Variants in SUGT1 observed in about 807,000 individuals in gnomAD.
SUGT1 encodes SGT1 assembly cochaperone of MIS12 kinetochore complex.
Under a neutral mutation model 56.1 loss-of-function variants are expected in SUGT1, and 15 were observed. The observed-to-expected ratio is 0.27, with a 90% CI of 0.18 to 0.41. SUGT1 has a LOEUF of 0.41. Among genes scored for constraint, SUGT1 ranks in the 10% least tolerant of loss-of-function variants. The pLI is 1.00. For synonymous variants in SUGT1, 123 were observed against 128.6 expected, an observed-to-expected ratio of 0.96 and a Z score of 0.30; for missense variants, 347 against 382.2, an observed-to-expected ratio of 0.91 and a Z score of 0.77.
rs1363955565 is a variant in SUGT1 at position 52,695,305 on chromosome 13, T to TA, written c.*7476dup. On this transcript the variant is annotated 3_prime_UTR_variant, in exon 13 of 13. Coordinates refer to ENST00000310528, the MANE Select transcript of SUGT1 (RefSeq NM_006704.5). The stretch of plus-strand genomic sequence containing the variant: ...TTTGCTATTTCAAAACAATTGACTT[T>TA]AAAAAATTATACTTCACCACAGAGA... The TA allele has an allele frequency of 6.6e-6, 1 of 152,220 alleles. No individual in the cohort carries two copies. Among genetic ancestry groups the TA allele is most frequent in the Non-Finnish European group, 1.5e-5 (1 of 68,032 alleles). The allele number at this position is 152,220 out of a possible 1,614,324, so 9.4% of individuals were successfully genotyped here.
chr13:52,653,654 GTT>G, intron 2 of SUGT1, among the ~76,000 whole-genome samples: 1 of 152,192 alleles, frequency 6.6e-6, no homozygotes, highest in South Asian at 2.1e-4. Context: ...TAAAGTCTTG[GTT>G]ATATACTCAG....
In SUGT1 at chr13:52,694,853, T is replaced by G. The variant is rs1335002836; in HGVS notation, c.*7018T>G. 6.6e-6 allele frequency: 1 copy of G among 151,940 alleles called. No homozygotes were observed. The highest frequency in any genetic ancestry group is 1.5e-5 in the Non-Finnish European group (1 of 68,032). The allele number at this position is 151,940 out of a possible 1,614,324, so 9.4% of individuals were successfully genotyped here. A position where few individuals can be genotyped will look rare whatever the true frequency, so the allele number is the denominator to read the frequency against. ...ACAGGCGTCCGCCACCATGCCCGGCTAATTTTTTGTATTTTTAGTAGAGAC... is the reference window on the plus strand; with the variant it reads ...ACAGGCGTCCGCCACCATGCCCGGCGAATTTTTTGTATTTTTAGTAGAGAC... On this transcript the variant is annotated 3_prime_UTR_variant, in exon 13 of 13. Transcript: ENST00000310528.
At chr13:52,662,108 A>T (rs1594234050) in intron 5 of SUGT1, among the ~76,000 whole-genome samples, 1 of 152,206 alleles carries the variant, frequency 6.6e-6, no homozygotes, top group South Asian at 2.1e-4. Context: ...TAACTTGGAG[A>T]TAGGACAAAA....
At chr13:52,656,491 T>C (rs1404368472) in intron 2 of SUGT1, among the ~76,000 whole-genome samples, 1 of 152,176 alleles carries the variant, frequency 6.6e-6, no homozygotes, top group African/African-American at 2.4e-5. Flanking sequence ...TAAAAAAAAG[T>C]AAATTGGACC....
chr13:52,681,993 A>G (rs1963396437), intron 12 of SUGT1, among the ~76,000 whole-genome samples: 1 of 118,338 alleles, frequency 8.5e-6, no homozygotes, highest in Non-Finnish European at 1.6e-5. Context: ...TGTAGTTTAC[A>G]CATATTTTCT....
At chr13:52,655,528 T>C (rs1363048295) in intron 2 of SUGT1, among the ~76,000 whole-genome samples, 1 of 152,074 alleles carries the variant, frequency 6.6e-6, no homozygotes, top group East Asian at 1.9e-4. Flanking sequence ...GCAGACCGGG[T>C]CAAAGATGAA....
Position 52,688,073 on chromosome 13 carries a change from C to T in SUGT1, c.*238C>T. On this transcript the variant is annotated 3_prime_UTR_variant, in exon 13 of 13. Transcript: ENST00000310528. ...CATGGTGAAACTGAATAAAGCATGTCATTTGCTCCTAGATAGATTCATTCT... is the reference window on the plus strand; with the variant it reads ...CATGGTGAAACTGAATAAAGCATGTTATTTGCTCCTAGATAGATTCATTCT... 1 of 277,560 alleles carries T rather than the reference C, an allele frequency of 3.6e-6. No homozygotes were observed. The highest frequency in any genetic ancestry group is 6.7e-6 in the Non-Finnish European group (1 of 148,824). The allele number at this position is 277,560 out of a possible 1,614,324, so 17.2% of individuals were successfully genotyped here.
At position 52,692,493 on chromosome 13, in the gene SUGT1, C is replaced by G. The variant is rs1013248746; in HGVS notation, c.*4658C>G. 3 of 151,758 alleles carry G rather than the reference C, an allele frequency of 2.0e-5. No individual in the cohort carries two copies. The highest frequency in any genetic ancestry group is 7.3e-5 in the African/African-American group (3 of 41,168). The allele number at this position is 151,758 out of a possible 1,614,324, so 9.4% of individuals were successfully genotyped here. A position where few individuals can be genotyped will look rare whatever the true frequency, so the allele number is the denominator to read the frequency against. ...TGGTGCAATCTTGGCTCACTGCAAC[C>G]TCCACCTCCCAGGTTCAAGTAATTC... On this transcript the variant is annotated 3_prime_UTR_variant, in exon 13 of 13. Transcript: ENST00000310528.
In SUGT1 at chr13:52,690,472, G is replaced by A. The variant is rs1963745801; in HGVS notation, c.*2637G>A. The A allele has an allele frequency of 6.6e-6, 1 of 152,052 alleles. No individual in the cohort carries two copies. The allele number at this position is 152,052 out of a possible 1,614,324, so 9.4% of individuals were successfully genotyped here. A position where few individuals can be genotyped will look rare whatever the true frequency, so the allele number is the denominator to read the frequency against. On this transcript the variant is annotated 3_prime_UTR_variant, in exon 13 of 13. Transcript: ENST00000310528. ...AATGTATGTATTTTTCCTCTTAAAT[G>A]TTTCCTTTCCCTTTTAAGGTTAGTC...
intron 7 of SUGT1, 115 bp from the exon 8 acceptor site, chr13:52,663,920 A>G: frequency 1.0e-6 from 1 of 981,988 alleles, no homozygotes; most frequent in Non-Finnish European, 1.5e-6. Flanking sequence ...ATTTTATATC[A>G]AAATAACTGC....
rs1190889058 is a variant in SUGT1, at chr13:52,697,159, C to T, written c.*9324C>T. On this transcript the variant is annotated 3_prime_UTR_variant, in exon 13 of 13. Transcript: ENST00000310528. ...CTGGGACTACAGGTGTGTGCCACCA[C>T]TCCCAGCTAATTTTTAAATTTTGTG... The T allele has an allele frequency of 1.3e-5, 2 of 152,120 alleles. No homozygotes were observed. The highest frequency in any genetic ancestry group is 2.1e-4 in the South Asian group (1 of 4,816). The allele number at this position is 152,120 out of a possible 1,614,324, so 9.4% of individuals were successfully genotyped here. A position where few individuals can be genotyped will look rare whatever the true frequency, so the allele number is the denominator to read the frequency against.
chr13:52,687,927 C>G lies in SUGT1; in HGVS notation c.*92C>G. On this transcript the variant is annotated 3_prime_UTR_variant, in exon 13 of 13. Transcript: ENST00000310528. ...TTCTTGAATTTTGAACACTGAATAT[C>G]TTTTTGAAAGATTATACTTCTTTAC... 1 of 730,430 alleles carries G rather than the reference C, an allele frequency of 1.4e-6. No individual in the cohort carries two copies. The highest frequency in any genetic ancestry group is 2.1e-6 in the Non-Finnish European group (1 of 485,848). The allele number at this position is 730,430 out of a possible 1,614,324, so 45.2% of individuals were successfully genotyped here. A position where few individuals can be genotyped will look rare whatever the true frequency, so the allele number is the denominator to read the frequency against.
Position 52,652,977 on chromosome 13 carries a change from CT to C in SUGT1, c.38+22del. The C allele has an allele frequency of 6.2e-7, 1 of 1,614,198 alleles. No individual in the cohort carries two copies. The highest frequency in any genetic ancestry group is 8.5e-7 in the Non-Finnish European group (1 of 1,180,014). On this transcript the variant is annotated intron_variant, in intron 1 of 12. Coordinates refer to ENST00000310528, the MANE Select transcript of SUGT1 (RefSeq NM_006704.5). ...CCCAGAGGTGCATGTTTTTCTTTCC[CT>C]TTGGTATTTATTTTATCCCCCTTTC...
At position 52,680,017 on chromosome 13, in the gene SUGT1, T is replaced by C. The variant is rs750022979; in HGVS notation, c.762T>C (p.Asn254=). ...LYPSSSPYTR[N]WDKLVGEIKE... is the part of the protein sequence containing the mutation. ...CATCATCATCTCCTTATACAAGAAA[T>C]TGGGATAAATTGGTTGGTGAGATCA... Residue 254 remains asparagine (N), a synonymous_variant, in exon 12 of 13, where the codon AAT becomes AAC. Coordinates refer to ENST00000310528, the MANE Select transcript of SUGT1 (RefSeq NM_006704.5). The C allele has an allele frequency of 7.5e-6, 12 of 1,601,344 alleles. No homozygotes were observed. In the African/African-American group the frequency reaches 1.6e-4, roughly 22 times the overall value.
In SUGT1 at chr13:52,696,740, ATCT is replaced by A. The variant is rs1354599889; in HGVS notation, c.*8909_*8911del. 4.6e-5 allele frequency: 7 copies of A among 152,052 alleles called. No homozygotes were observed. The highest frequency in any genetic ancestry group is 1.2e-4 in the African/African-American group (5 of 41,406). 9.4% of individuals were successfully genotyped at this position (152,052 alleles called of 1,614,324 possible). ...AGCCTCAAAGTCCAGGGCTCGAGTG[ATCT>A]TCTCACTTCAGCCTCCTGAGTAGCT... On this transcript the variant is annotated 3_prime_UTR_variant, in exon 13 of 13. Coordinates refer to ENST00000310528, the MANE Select transcript of SUGT1 (RefSeq NM_006704.5).
chr13:52,688,885 TC>T lies in SUGT1; in HGVS notation c.*1051del, dbSNP rs747046852. The T allele has an allele frequency of 2.6e-5, 4 of 152,326 alleles. No individual in the cohort carries two copies. In the East Asian group the frequency reaches 7.7e-4, roughly 29 times the overall value. 9.4% of individuals were successfully genotyped at this position (152,326 alleles called of 1,614,324 possible). ...ATACACTTTAGAGACAGGAAAATGT[TC>T]TGTGATTAAAATTGTTTACAGTCTA... On this transcript the variant is annotated 3_prime_UTR_variant, in exon 13 of 13. Transcript: ENST00000310528.
chr13:52,665,515 G>GTTAT (rs1413746122), intron 8 of SUGT1, 122 bp from the exon 9 acceptor site: 10 of 671,766 alleles, frequency 1.5e-5, no homozygotes, highest in Non-Finnish European at 2.3e-5. Flanking sequence ...TGAATCAGTA[G>GTTAT]TTGCTTTGCT....
chr13:52,677,923 G>GT (rs781641338), intron 11 of SUGT1, among the ~76,000 whole-genome samples: 1 of 152,070 alleles, frequency 6.6e-6, no homozygotes, highest in Non-Finnish European at 1.5e-5. Context: ...CAGTTACCAT[G>GT]TTTTTTCTAA....
chr13:52,665,553 T>C, intron 8 of SUGT1, 84 bp from the exon 9 acceptor site: 2 of 953,818 alleles, frequency 2.1e-6, no homozygotes, highest in Non-Finnish European at 3.1e-6. Flanking sequence ...GGGGCTCTTG[T>C]TGTTTATCAG....
Sources: gnomAD v4.1 joint callset for allele counts (sites outside exome capture counted in the v4.1 genomes callset) on GRCh38, gnomAD v4.1.1 for gene constraint, MANE v1.5 for transcripts, NCBI Gene and HGNC (gene_info 2026-07-23, HGNC 2026-07-21) for gene names.